Variants in KCNIP4 observed in about 807,000 individuals in gnomAD.
The protein encoded by KCNIP4 is Kv channel-interacting protein 4.
Under a neutral mutation model 34.0 loss-of-function variants are expected in KCNIP4, and 12 were observed. The observed-to-expected ratio is 0.35, with a 90% confidence interval of 0.23 to 0.57. The LOEUF is 0.57. Ranked by LOEUF, KCNIP4 falls within the 20% of genes least tolerant of loss-of-function variation. The pLI is 0.83. For missense variants in KCNIP4, 238 were observed against 311.7 expected, an observed-to-expected ratio of 0.76 and a Z score of 1.78; for synonymous variants, 124 against 102.2, an observed-to-expected ratio of 1.21 and a Z score of -1.29.
intron 1 of KCNIP4, among the ~76,000 whole-genome samples, chr4:20,994,886 A>G (rs916583081): frequency 6.6e-6 from 1 of 152,180 alleles, no homozygotes; most frequent in Non-Finnish European, 1.5e-5. Flanking sequence ...TTTCAAAGAC[A>G]TGGTAGCAAT....
intron 1 of KCNIP4, among the ~76,000 whole-genome samples, chr4:21,326,480 C>A (rs1715069990): frequency 6.7e-6 from 1 of 149,092 alleles, no homozygotes; most frequent in East Asian, 2.0e-4. Context: ...TTTTTTCAGT[C>A]TATATGTATC....
At chr4:20,882,476 T>A in intron 2 of KCNIP4, 132 bp downstream of exon 2, 1 of 665,558 alleles carries the variant, frequency 1.5e-6, no homozygotes, top group Non-Finnish European at 2.6e-6. Context: ...GGTATTTAGG[T>A]AAACATGAGT....
At chr4:21,467,811 A>C (rs144717063) in intron 1 of KCNIP4, among the ~76,000 whole-genome samples, 22 of 152,294 alleles carry the variant, frequency 1.4e-4, no homozygotes, top group Non-Finnish European at 2.2e-4. Context: ...AGGTATATCA[A>C]ATAGGTATGC....
At chr4:21,518,019 A>T (rs1011702589) in intron 1 of KCNIP4, among the ~76,000 whole-genome samples, 1 of 152,172 alleles carries the variant, frequency 6.6e-6, no homozygotes, top group Non-Finnish European at 1.5e-5. Flanking sequence ...TTCAGAAGAC[A>T]GGGGCTTGCT....
chr4:21,738,309 C>A (rs1342816837), intron 1 of KCNIP4, among the ~76,000 whole-genome samples: 2 of 151,894 alleles, frequency 1.3e-5, no homozygotes, highest in Non-Finnish European at 2.9e-5. Context: ...CAAGGAAATG[C>A]AAGCTGTTTA....
intron 1 of KCNIP4, among the ~76,000 whole-genome samples, chr4:21,478,546 G>A (rs768148844): frequency 3.3e-5 from 5 of 152,064 alleles, no homozygotes; most frequent in East Asian, 1.9e-4. Flanking sequence ...ACGTTTTGGC[G>A]CTCCCCAGAT....
chr4:21,683,447 T>TG (rs1491485145), intron 1 of KCNIP4, among the ~76,000 whole-genome samples: 1 of 3,520 alleles, frequency 2.8e-4, no homozygotes, highest in African/African-American at 1.9e-3. Flanking sequence ...TGAAGCCAGA[T>TG]TTTTTTTTTT....
At chr4:20,825,951 TTAGA>T (rs1434933298) in intron 3 of KCNIP4, among the ~76,000 whole-genome samples, 1 of 152,070 alleles carries the variant, frequency 6.6e-6, no homozygotes, top group Non-Finnish European at 1.5e-5. Context: ...AAATGTCCAA[TTAGA>T]TAAATACTAA....
chr4:21,210,738 A>T (rs910189139), intron 1 of KCNIP4, among the ~76,000 whole-genome samples: 1 of 152,186 alleles, frequency 6.6e-6, no homozygotes, highest in Non-Finnish European at 1.5e-5. Context: ...CCTTCAGCCC[A>T]TGAAGACAGA....
chr4:21,818,034 A>G (rs1722095797), intron 1 of KCNIP4, among the ~76,000 whole-genome samples: 1 of 151,306 alleles, frequency 6.6e-6, no homozygotes, highest in Non-Finnish European at 1.5e-5. Flanking sequence ...CTTTGTACCT[A>G]CTCCCTGTTC....
intron 1 of KCNIP4, among the ~76,000 whole-genome samples, chr4:21,516,800 A>G (rs760860647): frequency 3.3e-5 from 5 of 152,138 alleles, no homozygotes; most frequent in Admixed American, 6.5e-5. Flanking sequence ...GAAACGGTTT[A>G]GGAATGTGAA....
intron 1 of KCNIP4, among the ~76,000 whole-genome samples, chr4:21,224,518 A>AT (rs368461904): frequency 1.0e-4 from 15 of 149,814 alleles, no homozygotes; most frequent in African/African-American, 3.7e-4. Flanking sequence ...CATTCCACCC[A>AT]TAACAGTCCC....
chr4:20,836,231 T>C (rs1719024903), intron 3 of KCNIP4, among the ~76,000 whole-genome samples: 1 of 152,210 alleles, frequency 6.6e-6, no homozygotes, highest in Non-Finnish European at 1.5e-5. Flanking sequence ...CCCTCAATCA[T>C]GGTGATTTGG....
intron 1 of KCNIP4, among the ~76,000 whole-genome samples, chr4:21,630,616 T>A: frequency 6.6e-6 from 1 of 152,184 alleles, no homozygotes; most frequent in East Asian, 1.9e-4. Context: ...GCATCAAGTG[T>A]TAGGCTTATT....
intron 2 of KCNIP4, among the ~76,000 whole-genome samples, chr4:20,862,051 T>C (rs971814243): frequency 2.0e-5 from 3 of 151,390 alleles, no homozygotes; most frequent in East Asian, 3.9e-4. Context: ...AGTGCAATAG[T>C]GTGGTCTCAG....
chr4:21,379,534 C>G (rs1224225773), intron 1 of KCNIP4, among the ~76,000 whole-genome samples: 3 of 152,138 alleles, frequency 2.0e-5, no homozygotes, highest in African/African-American at 7.2e-5. Flanking sequence ...GAGAGTTTCT[C>G]TAAGATGAAT....
At chr4:21,181,097 T>C (rs1377880054) in intron 1 of KCNIP4, among the ~76,000 whole-genome samples, 1 of 152,138 alleles carries the variant, frequency 6.6e-6, no homozygotes, top group Non-Finnish European at 1.5e-5. Flanking sequence ...TAAAACCTGC[T>C]GCAGTAGAGG....
intron 1 of KCNIP4, among the ~76,000 whole-genome samples, chr4:21,089,789 C>T (rs1746822321): frequency 6.6e-6 from 1 of 152,090 alleles, no homozygotes; most frequent in African/African-American, 2.4e-5. Context: ...ATACTTGAAC[C>T]CCCAGCTTCT....
At chr4:21,693,445 CA>C (rs1200402347) in intron 1 of KCNIP4, among the ~76,000 whole-genome samples, 1 of 152,014 alleles carries the variant, frequency 6.6e-6, no homozygotes, top group Non-Finnish European at 1.5e-5. Context: ...CCTGTAATCC[CA>C]GCTACTCGGG....
Sources: gnomAD v4.1 joint callset for allele counts (sites outside exome capture counted in the v4.1 genomes callset) on GRCh38, gnomAD v4.1.1 for gene constraint, MANE v1.5 for transcripts, NCBI Gene and HGNC (gene_info 2026-07-23, HGNC 2026-07-21) for gene names.